Variants in ARHGAP26 observed in about 807,000 individuals in gnomAD.
The protein encoded by ARHGAP26 is Rho GTPase activating protein 26.
A neutral mutation model predicts 104.8 loss-of-function variants in ARHGAP26; 38 were observed. The observed-to-expected ratio is 0.36, with a 90% CI of 0.28 to 0.48. The LOEUF (loss-of-function observed/expected upper bound fraction) is 0.48, where lower values mean the gene tolerates loss of function less well. Among genes scored for constraint, ARHGAP26 ranks in the 20% least tolerant of loss-of-function variants. The probability of loss-of-function intolerance (pLI) is 0.99; values close to 1 mark genes in which losing one functional copy is unlikely to be tolerated. For missense variants in ARHGAP26, 704 were observed against 947.9 expected, an observed-to-expected ratio of 0.74 and a Z score of 3.38; for synonymous variants, 341 against 340.0, an observed-to-expected ratio of 1.00 and a Z score of -0.03.
intron 22 of ARHGAP26, among the ~76,000 whole-genome samples, chr5:143,219,997 C>T (rs1810921473): frequency 6.6e-6 from 1 of 152,214 alleles, no homozygotes; most frequent in African/African-American, 2.4e-5. Context: ...CTCTTGTCCC[C>T]TCTAATTCTT....
chr5:142,974,727 A>G (rs1444296726), intron 11 of ARHGAP26, among the ~76,000 whole-genome samples: 2 of 152,220 alleles, frequency 1.3e-5, no homozygotes, highest in Non-Finnish European at 2.9e-5. Flanking sequence ...TAATACTGAA[A>G]GTATTTGGCA....
chr5:143,062,812 C>G (rs1018027562), intron 17 of ARHGAP26, among the ~76,000 whole-genome samples: 4 of 152,170 alleles, frequency 2.6e-5, no homozygotes, highest in African/African-American at 9.7e-5. Flanking sequence ...AATATTCCCT[C>G]TTTTTCCATC....
intron 19 of ARHGAP26, among the ~76,000 whole-genome samples, chr5:143,137,804 A>AG (rs1311036721): frequency 6.6e-6 from 1 of 152,230 alleles, no homozygotes; most frequent in Non-Finnish European, 1.5e-5. Flanking sequence ...AAGAGACTCC[A>AG]GGTGCTGTTG....
intron 9 of ARHGAP26, 77 bp downstream of exon 9, chr5:142,907,881 A>C: frequency 3.3e-6 from 3 of 911,156 alleles, no homozygotes; most frequent in South Asian, 2.2e-5. Context: ...ATAAAGTAAC[A>C]CCTCCAGTGT....
chr5:143,132,856 T>G (rs535962896), intron 18 of ARHGAP26, among the ~76,000 whole-genome samples: 1 of 131,334 alleles, frequency 7.6e-6, no homozygotes, highest in Non-Finnish European at 1.5e-5. Context: ...AAAAGGAATC[T>G]GGGGTAAAAA....
At chr5:142,809,929 G>A (rs1017304925) in intron 1 of ARHGAP26, among the ~76,000 whole-genome samples, 1 of 152,236 alleles carries the variant, frequency 6.6e-6, no homozygotes, top group African/African-American at 2.4e-5. Flanking sequence ...TTGGACTGGT[G>A]CAGGTTTTAG....
At chr5:143,131,179 T>C (rs1200290626) in intron 18 of ARHGAP26, among the ~76,000 whole-genome samples, 3 of 152,224 alleles carry the variant, frequency 2.0e-5, no homozygotes, top group African/African-American at 7.2e-5. Flanking sequence ...CTCTTCCTGC[T>C]CTGCTGTATA....
At chr5:143,082,710 G>C (rs1370852038) in intron 17 of ARHGAP26, among the ~76,000 whole-genome samples, 1 of 152,206 alleles carries the variant, frequency 6.6e-6, no homozygotes, top group East Asian at 1.9e-4. Flanking sequence ...TTACAGATCT[G>C]AAACCAAGAA....
At chr5:142,799,792 T>G (rs1366855341) in intron 1 of ARHGAP26, among the ~76,000 whole-genome samples, 2 of 152,352 alleles carry the variant, frequency 1.3e-5, no homozygotes, top group East Asian at 3.9e-4. Context: ...CTCACTCCCA[T>G]GATTACAGCA....
At chr5:142,947,770 A>G (rs989001630) in intron 11 of ARHGAP26, among the ~76,000 whole-genome samples, 1 of 152,158 alleles carries the variant, frequency 6.6e-6, no homozygotes, top group Non-Finnish European at 1.5e-5. Flanking sequence ...GAGGATCTTG[A>G]CTTTCTTGTT....
At chr5:142,843,139 T>C (rs1186044493) in intron 1 of ARHGAP26, among the ~76,000 whole-genome samples, 1 of 152,218 alleles carries the variant, frequency 6.6e-6, no homozygotes, top group Non-Finnish European at 1.5e-5. Flanking sequence ...GAATGTTCCC[T>C]ACCCCCTGTA....
chr5:143,221,033 G>C (rs1811063180), intron 22 of ARHGAP26, among the ~76,000 whole-genome samples: 1 of 152,234 alleles, frequency 6.6e-6, no homozygotes, highest in African/African-American at 2.4e-5. Context: ...GAAAATTGGA[G>C]TTTTCCTAAC....
At position 142,907,658 on chromosome 5, in the gene ARHGAP26, A is replaced by G. The variant is rs539807621; in HGVS notation, c.833-46A>G. 2.1e-5 allele frequency: 28 copies of G among 1,365,008 alleles called. No homozygotes were observed. The South Asian group carries it at 3.1e-4, about 15-fold the overall frequency. 84.6% of individuals were successfully genotyped at this position (1,365,008 alleles called of 1,614,324 possible). A position where few individuals can be genotyped will look rare whatever the true frequency, so the allele number is the denominator to read the frequency against. On this transcript the variant is annotated intron_variant, in intron 8 of 22. Coordinates refer to ENST00000645722, the MANE Select transcript of ARHGAP26 (RefSeq NM_001135608.3). ...GTTTTTCCAGCTCATGATGTATAGC[A>G]TACAGTGGAATGTATAGATATTTTA...
chr5:142,871,183 G>A lies in ARHGAP26; in HGVS notation c.155-2217G>A, dbSNP rs914131882. 3.9e-5 allele frequency among the ~76,000 whole-genome samples: 6 copies of A among 152,126 alleles called. No individual in the cohort carries two copies. The highest frequency in any genetic ancestry group is 7.3e-5 in the Non-Finnish European group (5 of 68,030). Reference sequence around the variant, plus strand: ...GCTTCTCAGGCTTGCACTGTGGCAGGGTGTGCTCTGTGCCAGTGGACAAGG... The same window carrying A: ...GCTTCTCAGGCTTGCACTGTGGCAGAGTGTGCTCTGTGCCAGTGGACAAGG... On this transcript the variant is annotated intron_variant, in intron 1 of 22. Coordinates refer to ENST00000645722, the MANE Select transcript of ARHGAP26 (RefSeq NM_001135608.3). This position sits in a 1 kb window ranked among gnomAD's most constrained non-coding sequence, Gnocchi z 4.1.
At chr5:143,208,364 C>A (rs1379922920) in intron 21 of ARHGAP26, among the ~76,000 whole-genome samples, 1 of 152,132 alleles carries the variant, frequency 6.6e-6, no homozygotes, top group Non-Finnish European at 1.5e-5. Context: ...AGTATTTTCC[C>A]TTCTGTCTTT....
intron 2 of ARHGAP26, among the ~76,000 whole-genome samples, chr5:142,873,789 C>T (rs529378820): frequency 6.6e-6 from 1 of 152,078 alleles, no homozygotes; most frequent in African/African-American, 2.4e-5. Flanking sequence ...ACATTCTTCC[C>T]CTTCAACCAT....
intron 22 of ARHGAP26, 70 bp downstream of exon 22, chr5:143,214,158 C>A: frequency 2.2e-6 from 2 of 894,174 alleles, no homozygotes; most frequent in East Asian, 2.8e-5. Flanking sequence ...AAATAACTGG[C>A]ATTTTCAAAG....
chr5:143,155,669 G>A (rs1002276263), intron 20 of ARHGAP26, among the ~76,000 whole-genome samples: 1 of 152,176 alleles, frequency 6.6e-6, no homozygotes, highest in Non-Finnish European at 1.5e-5. Flanking sequence ...GCAGAGCGCC[G>A]TTTGAATGCC....
chr5:143,195,935 T>G (rs1044915555), intron 20 of ARHGAP26, among the ~76,000 whole-genome samples: 8 of 152,130 alleles, frequency 5.3e-5, no homozygotes, highest in Non-Finnish European at 1.0e-4. Flanking sequence ...AATTCTGTAC[T>G]TTCTGCTCAA....
Sources: gnomAD v4.1 joint callset for allele counts (sites outside exome capture counted in the v4.1 genomes callset) on GRCh38, gnomAD v4.1.1 for gene constraint, Gnocchi (gnomAD v3.1) non-coding constraint, MANE v1.5 for transcripts, NCBI Gene and HGNC (gene_info 2026-07-23, HGNC 2026-07-21) for gene names.